The following LAMA3 variants were observed in gnomAD, a reference collection of about 807,000 sequenced individuals.
LAMA3 encodes the protein laminin subunit alpha 3, also known as laminin subunit alpha-3.
LAMA3 carries 281 observed loss-of-function variants against 402.0 expected under a neutral mutation model. The ratio of observed to expected loss-of-function variants is 0.70; its 90% CI spans 0.63 to 0.77. The LOEUF (loss-of-function observed/expected upper bound fraction) is 0.77, where lower values mean the gene tolerates loss of function less well. Among genes scored for constraint, LAMA3 ranks in the 30% least tolerant of loss-of-function variants. The pLI is 0.00. For missense variants in LAMA3, 3,840 were observed against 4,215.5 expected, an observed-to-expected ratio of 0.91 and a Z score of 2.47; for synonymous variants, 1,431 against 1,558.4, an observed-to-expected ratio of 0.92 and a Z score of 1.93.
intron 8 of LAMA3, among the ~76,000 whole-genome samples, chr18:23,769,571 C>G (rs776445084): frequency 1.1e-4 from 16 of 152,072 alleles, no homozygotes; most frequent in Non-Finnish European, 2.4e-4. Context: ...GCTAAAAGGC[C>G]AATAGATACT....
chr18:23,882,549 G>A (rs1468776827), intron 40 of LAMA3, among the ~76,000 whole-genome samples: 3 of 151,658 alleles, frequency 2.0e-5, no homozygotes, highest in Non-Finnish European at 2.9e-5. Context: ...GGCAGAGGCT[G>A]TAGTGAGCCG....
Position 23,689,670 on chromosome 18 carries a change from C to A in LAMA3, c.-14C>A, listed in dbSNP as rs2060539990. Reference sequence around the variant, plus strand: ...TCTGCGGACGGCTCAGGCGGGAGGACCCCGCGCGGCTGGATGGCGGCGGCC... The same window carrying A: ...TCTGCGGACGGCTCAGGCGGGAGGAACCCGCGCGGCTGGATGGCGGCGGCC... On this transcript the variant is annotated 5_prime_UTR_variant, in exon 1 of 75. Transcript: ENST00000313654. The A allele has an allele frequency of 3.8e-6, 5 of 1,311,022 alleles. No homozygotes were observed. The highest frequency in any genetic ancestry group is 2.9e-6 in the Non-Finnish European group (3 of 1,036,390). 81.2% of individuals were successfully genotyped at this position (1,311,022 alleles called of 1,614,324 possible).
chr18:23,909,047 C>A, intron 54 of LAMA3, 106 bp from the exon 55 acceptor site: 1 of 1,076,148 alleles, frequency 9.3e-7, no homozygotes, highest in Non-Finnish European at 1.4e-6. Context: ...TGTTCAACAT[C>A]TGGGGACCAA....
chr18:23,933,355 C>T (rs2082222707), intron 66 of LAMA3, among the ~76,000 whole-genome samples: 1 of 152,100 alleles, frequency 6.6e-6, no homozygotes, highest in African/African-American at 2.4e-5. Context: ...GAAAGTTTCC[C>T]TAGGAACCAT....
chr18:23,835,224 C>T (rs1409175919), intron 24 of LAMA3, among the ~76,000 whole-genome samples: 2 of 152,180 alleles, frequency 1.3e-5, no homozygotes, highest in Non-Finnish European at 2.9e-5. Flanking sequence ...CCCACCAGTT[C>T]GGCTCTCCAG....
intron 3 of LAMA3, among the ~76,000 whole-genome samples, chr18:23,748,831 G>A (rs895718093): frequency 1.3e-5 from 2 of 151,514 alleles, no homozygotes; most frequent in African/African-American, 4.8e-5. Context: ...CATTTTTCAA[G>A]CATGTGTTCA....
At chr18:23,885,472 AAT>A (rs2144961863) in intron 41 of LAMA3, among the ~76,000 whole-genome samples, 1 of 152,020 alleles carries the variant, frequency 6.6e-6, no homozygotes, top group South Asian at 2.1e-4. Flanking sequence ...GGTGTTCGGT[AAT>A]GTTTGTGAAA....
chr18:23,906,417 A>T lies in LAMA3; in HGVS notation c.6718+793A>T, dbSNP rs557480961. 3.3e-5 allele frequency among the ~76,000 whole-genome samples: 5 copies of T among 152,224 alleles called. No individual in the cohort carries two copies. The South Asian group carries it at 1.0e-3, about 32-fold the overall frequency. ...TAAGCATAAATTTTATCTCTGGAAA[A>T]TTTTCATGTATTTTACTTACTTATT... On this transcript the variant is annotated intron_variant, in intron 52 of 74. Coordinates refer to ENST00000313654, the MANE Select transcript of LAMA3 (RefSeq NM_198129.4).
intron 12 of LAMA3, among the ~76,000 whole-genome samples, chr18:23,793,747 G>T (rs1251936692): frequency 6.6e-6 from 1 of 152,158 alleles, no homozygotes; most frequent in Non-Finnish European, 1.5e-5. Context: ...CCAGCCAAGT[G>T]TCCTCCAATT....
chr18:23,809,979 T>A (rs1217126740), intron 12 of LAMA3, among the ~76,000 whole-genome samples: 1 of 151,978 alleles, frequency 6.6e-6, no homozygotes, highest in Non-Finnish European at 1.5e-5. Flanking sequence ...CAAATACTGG[T>A]TTCTGTAGGT....
intron 12 of LAMA3, among the ~76,000 whole-genome samples, chr18:23,795,830 T>G (rs993566281): frequency 1.3e-5 from 2 of 152,170 alleles, no homozygotes; most frequent in Non-Finnish European, 2.9e-5. Flanking sequence ...CACATTATTA[T>G]GGACTGAATT....
intron 12 of LAMA3, among the ~76,000 whole-genome samples, chr18:23,792,548 C>CA (rs1302014539): frequency 4.6e-5 from 7 of 152,226 alleles, no homozygotes; most frequent in African/African-American, 1.4e-4. Context: ...CATCTCCCAA[C>CA]ACTGCTGCAC....
chr18:23,907,193 C>T (rs2081279756), intron 52 of LAMA3, among the ~76,000 whole-genome samples: 2 of 152,240 alleles, frequency 1.3e-5, no homozygotes, highest in Admixed American at 1.3e-4. Flanking sequence ...TAGTGCCAGA[C>T]ACTACATTAT....
rs768596269 is a variant in LAMA3 at position 23,915,389 on chromosome 18, A to G, written c.7745A>G (p.Asn2582Ser). The change falls in exon 59 of 75, where the codon AAT (asparagine) becomes AGT (serine). Residue 2582 changes from asparagine (N) to serine (S), a missense_variant. This residue lies in a region of LAMA3 where 840 missense variants were observed against 981.9 expected (regional missense o/e 0.86). Transcript: ENST00000313654. ...LSLYNFKKTF[N>S]LNTTEVEPCR... ...TTGTACAACTTCAAAAAAACATTCA[A>G]TCTCAACACAACTGAAGTGGAGCCT... The G allele has an allele frequency of 8.7e-6, 14 of 1,613,820 alleles. No individual in the cohort carries two copies. The Admixed American group carries it at 1.0e-4, about 12-fold the overall frequency.
At position 23,907,921 on chromosome 18, in the gene LAMA3, A is replaced by G. The variant is rs112150269; in HGVS notation, c.7001A>G (p.Asp2334Gly). 1 of 1,613,764 alleles carries G rather than the reference A, an allele frequency of 6.2e-7. No individual in the cohort carries two copies. Among genetic ancestry groups the G allele is most frequent in the Non-Finnish European group, 8.5e-7 (1 of 1,180,012 alleles). Residue 2334 changes from aspartate (D) to glycine (G), a missense_variant, in exon 54 of 75, where the codon GAT (aspartate) becomes GGT (glycine). Transcript: ENST00000313654. ...QNEDFKKALT[D>G]ADNSVNKLTN... The stretch of plus-strand genomic sequence containing the variant: ...GAAGACTTCAAAAAGGCTCTGACTG[A>G]TGCAGATAACTCGGGTATCAGGCGA...
intron 2 of LAMA3, among the ~76,000 whole-genome samples, chr18:23,743,198 CT>C (rs1280563385): frequency 6.6e-6 from 1 of 152,150 alleles, no homozygotes; most frequent in East Asian, 1.9e-4. Flanking sequence ...TCTTAAATAT[CT>C]TTTTTGATCA....
At position 23,764,242 on chromosome 18, in the gene LAMA3, C is replaced by T. The variant is rs140750160; in HGVS notation, c.1182+719C>T. ...GCCACCATTCTTCATTTGTCTCCCC[C>T]CTCCATACTTTTATATTATCTGTTA... On this transcript the variant is annotated intron_variant, in intron 8 of 74. Transcript: ENST00000313654. Among the ~76,000 whole-genome samples the T allele has an allele frequency of 5.8e-3, 876 of 152,162 alleles. 7 individuals are homozygous for T. The highest frequency in any genetic ancestry group is 0.02 in the African/African-American group (829 of 41,514).
At chr18:23,914,350 T>G (rs1268707215) in intron 56 of LAMA3, 60 bp from the exon 57 acceptor site, 4 of 1,586,498 alleles carry the variant, frequency 2.5e-6, no homozygotes, top group Non-Finnish European at 3.5e-6. Context: ...CTCATCCTCT[T>G]GGGATGGGAA....
At chr18:23,823,879 A>G (rs8089021) in intron 20 of LAMA3, among the ~76,000 whole-genome samples, 4,483 of 152,296 alleles carry the variant, frequency 0.029, 216 homozygotes, top group African/African-American at 0.1. Context: ...ATGCATGTTC[A>G]TTAATAAAAA....
Sources: gnomAD v4.1 joint callset for allele counts (sites outside exome capture counted in the v4.1 genomes callset) on GRCh38, gnomAD v4.1.1 for gene constraint, gnomAD v4.1.1 regional missense constraint, MANE v1.5 for transcripts, NCBI Gene and HGNC (gene_info 2026-07-23, HGNC 2026-07-21) for gene names.